SLC30A8: variants seen among roughly 807,000 people sequenced by gnomAD.
SLC30A8 encodes proton-coupled zinc antiporter SLC30A8.
A neutral mutation model predicts 36.9 loss-of-function variants in SLC30A8; 27 were observed. The ratio of observed to expected loss-of-function variants is 0.73; its 90% CI spans 0.54 to 1.01. SLC30A8 has a LOEUF of 1.01. Among genes scored for constraint, SLC30A8 ranks in the 50% least tolerant of loss-of-function variants. The pLI is 0.00. For synonymous variants in SLC30A8, 164 were observed against 172.4 expected (o/e 0.95, Z 0.38); for missense variants, 439 against 452.0 (o/e 0.97, Z 0.26).
intron 2 of SLC30A8, among the ~76,000 whole-genome samples, chr8:117,120,514 A>G (rs952146942): frequency 2.6e-5 from 4 of 152,040 alleles, no homozygotes; most frequent in Non-Finnish European, 2.9e-5. Flanking sequence ...AGAAGAAACC[A>G]TAGGGGGAAA....
At chr8:117,059,565 C>T (rs888374652) in intron 2 of SLC30A8, among the ~76,000 whole-genome samples, 11 of 152,186 alleles carry the variant, frequency 7.2e-5, no homozygotes, top group African/African-American at 2.7e-4. Context: ...TTCCTACACC[C>T]CTACTCATGA....
chr8:117,167,780 A>G (rs187689411), intron 6 of SLC30A8, among the ~76,000 whole-genome samples: 96 of 152,292 alleles, frequency 6.3e-4, no homozygotes, highest in Admixed American at 4.6e-3. Context: ...GCACTTGTAT[A>G]TCTGTGGAAT....
intron 1 of SLC30A8, among the ~76,000 whole-genome samples, chr8:117,037,564 A>G (rs1438266960): frequency 6.6e-6 from 1 of 151,926 alleles, no homozygotes; most frequent in Non-Finnish European, 1.5e-5. Flanking sequence ...TATTTCTACA[A>G]TTTTTTTTGA....
At chr8:117,047,540 A>C (rs1345465178) in intron 2 of SLC30A8, among the ~76,000 whole-genome samples, 1 of 152,140 alleles carries the variant, frequency 6.6e-6, no homozygotes, top group Non-Finnish European at 1.5e-5. Context: ...ATCAACTCCC[A>C]AGTCCAACAG....
intron 2 of SLC30A8, among the ~76,000 whole-genome samples, chr8:117,080,789 A>G (rs1051519164): frequency 9.2e-5 from 14 of 152,162 alleles, no homozygotes; most frequent in African/African-American, 2.4e-4. Context: ...TAGTGCTGCA[A>G]TGAACACACG....
At chr8:117,140,201 T>C (rs1251830741) in intron 1 of SLC30A8, among the ~76,000 whole-genome samples, 4 of 151,564 alleles carry the variant, frequency 2.6e-5, no homozygotes, top group African/African-American at 9.7e-5. Context: ...TTATGCAACA[T>C]GAAAAACAGA....
chr8:116,971,724 C>G (rs1257311248), intron 1 of SLC30A8, among the ~76,000 whole-genome samples: 1 of 151,998 alleles, frequency 6.6e-6, no homozygotes, highest in Non-Finnish European at 1.5e-5. Flanking sequence ...AATATTGGAC[C>G]CTTCCACTAT....
At chr8:116,977,450 G>T (rs2130633805) in intron 1 of SLC30A8, among the ~76,000 whole-genome samples, 1 of 151,370 alleles carries the variant, frequency 6.6e-6, no homozygotes, top group African/African-American at 2.4e-5. Context: ...ACCGTGCCTG[G>T]CCTTTTCTTT....
chr8:117,164,690 G>C (rs561881208), intron 6 of SLC30A8, among the ~76,000 whole-genome samples: 3 of 152,320 alleles, frequency 2.0e-5, no homozygotes, highest in African/African-American at 7.2e-5. Context: ...CTGCTACAAA[G>C]AAGAGGTGTG....
At chr8:117,121,573 C>T (rs1229421731) in intron 2 of SLC30A8, among the ~76,000 whole-genome samples, 1 of 151,890 alleles carries the variant, frequency 6.6e-6, no homozygotes, top group Non-Finnish European at 1.5e-5. Flanking sequence ...GGACTCTGCC[C>T]TTATGAACTG....
chr8:117,023,106 A>G (rs775560227), intron 1 of SLC30A8, among the ~76,000 whole-genome samples: 7 of 152,268 alleles, frequency 4.6e-5, no homozygotes, highest in Non-Finnish European at 1.0e-4. Context: ...TTATGCAGCC[A>G]AAAGACACAT....
At chr8:116,955,665 A>G (rs1036884406) in intron 1 of SLC30A8, among the ~76,000 whole-genome samples, 2 of 151,678 alleles carry the variant, frequency 1.3e-5, no homozygotes, top group African/African-American at 4.8e-5. Flanking sequence ...AGGAGGCAAA[A>G]GTTGCTGAGA....
At chr8:117,056,008 ATGAAT>A (rs1408558336) in intron 2 of SLC30A8, 8 of 152,226 alleles carry the variant, frequency 5.3e-5, no homozygotes. Context: ...GTTTTAAGAA[ATGAAT>A]TCTGTGTGTG....
At chr8:117,129,699 A>G (rs1216603296) in intron 2 of SLC30A8, among the ~76,000 whole-genome samples, 2 of 152,046 alleles carry the variant, frequency 1.3e-5, no homozygotes, top group Non-Finnish European at 2.9e-5. Flanking sequence ...GAAAGTTTAA[A>G]ATGAAATTTT....
At chr8:117,146,841 C>T (rs1821919935) in intron 1 of SLC30A8, 113 bp from the exon 2 acceptor site, 1 of 1,512,150 alleles carries the variant, frequency 6.6e-7, no homozygotes, top group Non-Finnish European at 8.9e-7. Context: ...ATGAACACTT[C>T]ATAGCAAGTA....
rs954192807 is a variant in SLC30A8 at position 117,096,817 on chromosome 8, C to G, written c.-225-38463C>G. 4.6e-5 allele frequency among the ~76,000 whole-genome samples: 7 copies of G among 152,166 alleles called. No homozygotes were observed. In the East Asian group the frequency reaches 1.4e-3, roughly 30 times the overall value. On this transcript the variant is annotated intron_variant, in intron 2 of 10. Coordinates refer to the SLC30A8 transcript ENST00000427715. ...ACCATTGTCAGATTTTTCTTAGCAA[C>G]ATTTTCACTCCAAATTCTACTTGTC...
intron 2 of SLC30A8, among the ~76,000 whole-genome samples, chr8:117,124,807 G>A (rs1339574440): frequency 6.6e-6 from 1 of 151,350 alleles, no homozygotes; most frequent in East Asian, 2.0e-4. Context: ...GATGGGGGAG[G>A]GTGTGGGCTC....
chr8:117,110,597 A>G (rs970544943), intron 2 of SLC30A8, among the ~76,000 whole-genome samples: 9 of 152,140 alleles, frequency 5.9e-5, no homozygotes, highest in Admixed American at 3.3e-4. Flanking sequence ...CTTTCCTTTC[A>G]GGGGGATAAA....
At chr8:117,171,003 A>T (rs766892324) in intron 6 of SLC30A8, 31 bp from the exon 7 acceptor site, 2 of 1,541,414 alleles carry the variant, frequency 1.3e-6, no homozygotes, top group South Asian at 2.6e-5. Context: ...TAGTTGAATA[A>T]CTACAGCCTC....
Sources: allele counts gnomAD v4.1 joint callset (sites outside exome capture counted in the v4.1 genomes callset), GRCh38; gene constraint gnomAD v4.1.1; transcripts MANE v1.5; gene names NCBI Gene and HGNC (gene_info 2026-07-23, HGNC 2026-07-21).